PIBF1: variants seen among roughly 807,000 people sequenced by gnomAD.
PIBF1 encodes progesterone immunomodulatory binding factor 1, also known as progesterone-induced-blocking factor 1.
A neutral mutation model predicts 112.5 loss-of-function variants in PIBF1; 90 were observed. That is an observed-to-expected ratio of 0.80 (90% CI 0.67 to 0.95). The LOEUF (loss-of-function observed/expected upper bound fraction) is 0.95, where lower values mean the gene tolerates loss of function less well. PIBF1 is among the 40% of genes least tolerant of loss of function. The pLI, the probability that PIBF1 is intolerant of heterozygous loss-of-function variation, is 0.00. For synonymous variants in PIBF1, 301 were observed against 288.6 expected, an observed-to-expected ratio of 1.04 and a Z score of -0.44; for missense variants, 915 against 852.3, an observed-to-expected ratio of 1.07 and a Z score of -0.92.
At chr13:72,800,475 C>T (rs61966349) in intron 5 of PIBF1, among the ~76,000 whole-genome samples, 1 of 152,188 alleles carries the variant, frequency 6.6e-6, no homozygotes, top group South Asian at 2.1e-4. Flanking sequence ...AGTTTCTCAT[C>T]TCTGCGACTT....
At chr13:72,951,297 G>A (rs2042289723) in intron 14 of PIBF1, among the ~76,000 whole-genome samples, 1 of 152,150 alleles carries the variant, frequency 6.6e-6, no homozygotes, top group Non-Finnish European at 1.5e-5. Flanking sequence ...AGTATTGCCT[G>A]AACATGATTC....
chr13:72,837,591 G>A (rs1445578782), intron 9 of PIBF1, among the ~76,000 whole-genome samples: 1 of 152,094 alleles, frequency 6.6e-6, no homozygotes, highest in Non-Finnish European at 1.5e-5. Flanking sequence ...GAATAATGCA[G>A]CACTACAGAA....
chr13:72,871,903 G>C lies in PIBF1; in HGVS notation c.1322+17748G>C, dbSNP rs972437859. Among the ~76,000 whole-genome samples the C allele has an allele frequency of 4.6e-5, 7 of 152,218 alleles. No individual in the cohort carries two copies. In the East Asian group the frequency reaches 9.7e-4, roughly 21 times the overall value. On this transcript the variant is annotated intron_variant, in intron 10 of 17. Coordinates refer to ENST00000326291, the MANE Select transcript of PIBF1 (RefSeq NM_006346.4). ...AATGCTTATTTTAATAAAGCATTTA[G>C]ACATTTTTTGAATTCACCCTAATAT...
At chr13:72,935,352 CTG>C (rs1411364913) in intron 14 of PIBF1, among the ~76,000 whole-genome samples, 1 of 152,088 alleles carries the variant, frequency 6.6e-6, no homozygotes, top group African/African-American at 2.4e-5. Flanking sequence ...TCCTTTCACT[CTG>C]CATAATTATT....
In PIBF1 at chr13:72,922,122, G is replaced by A. The variant is rs543297897; in HGVS notation, c.1730+4956G>A. Among the ~76,000 whole-genome samples, 32 of 152,034 alleles carry A rather than the reference G, an allele frequency of 2.1e-4. No homozygotes were observed. In the East Asian group the frequency reaches 5.6e-3, roughly 27 times the overall value. On this transcript the variant is annotated intron_variant, in intron 13 of 17. Transcript: ENST00000326291. ...TCTTCCTGAGTAGCTAGGCATGCAC[G>A]CTGTACCTGGCTAATTTTTTTATTT...
intron 14 of PIBF1, 50 bp from the exon 15 acceptor site, chr13:72,965,224 T>C (rs1002644417): frequency 1.3e-6 from 2 of 1,533,410 alleles, no homozygotes; most frequent in African/African-American, 1.4e-5. Context: ...TGAATGATTT[T>C]ATTTTGTTGT....
chr13:73,010,229 G>GTT (rs35486011), intron 17 of PIBF1, among the ~76,000 whole-genome samples: 6,020 of 123,462 alleles, frequency 0.049, 215 homozygotes, highest in East Asian at 0.063. Context: ...TTCTATGCTA[G>GTT]TTTTTTTTTT....
Position 72,908,599 on chromosome 13 carries a change from G to A in PIBF1, c.1557G>A (p.Gln519=), listed in dbSNP as rs752986418. The part of the protein sequence containing the change: ...SEKRITELQA[Q]NSEHQARLDI... ...AACGCATTACTGAACTTCAAGCACA[G>A]AACTCAGAGCATCAAGCAAGGCTAG... The change falls in exon 12 of 18, where the codon CAG becomes CAA. Residue 519 remains glutamine (Q), a synonymous_variant. Coordinates refer to ENST00000326291, the MANE Select transcript of PIBF1 (RefSeq NM_006346.4). 3.1e-6 allele frequency: 5 copies of A among 1,612,828 alleles called. No individual in the cohort carries two copies. Among genetic ancestry groups the A allele is most frequent in the Non-Finnish European group, 4.2e-6 (5 of 1,179,122 alleles).
At chr13:72,909,190 A>C (rs575599057) in intron 12 of PIBF1, among the ~76,000 whole-genome samples, 128 of 152,342 alleles carry the variant, frequency 8.4e-4, no homozygotes, top group South Asian at 1.4e-3. Flanking sequence ...AACAGGTTAA[A>C]TATGATAGCT....
intron 6 of PIBF1, among the ~76,000 whole-genome samples, chr13:72,822,859 A>G (rs1247375898): frequency 1.3e-5 from 2 of 152,228 alleles, no homozygotes; most frequent in African/African-American, 2.4e-5. Context: ...CCAAAATATG[A>G]TAATTATTGG....
At position 72,948,237 on chromosome 13, in the gene PIBF1, AAAAG is replaced by A. The variant is rs145609956; in HGVS notation, c.1833+16974_1833+16977del. 7.3e-3 allele frequency among the ~76,000 whole-genome samples: 1,107 copies of A among 152,220 alleles called. 8 individuals are homozygous for A. The highest frequency in any genetic ancestry group is 0.024 in the African/African-American group (1,016 of 41,520). ...CTGAAAGTATAATTTAAAAAAAAGA[AAAAG>A]AAATTTCTTCCCCCAGATACCCTAA... On this transcript the variant is annotated intron_variant, in intron 14 of 17. Transcript: ENST00000326291.
intron 13 of PIBF1, among the ~76,000 whole-genome samples, chr13:72,923,005 A>G (rs1452109133): frequency 6.6e-6 from 1 of 152,222 alleles, no homozygotes; most frequent in Non-Finnish European, 1.5e-5. Flanking sequence ...CTTCTGGCAC[A>G]TGTCCCCTTC....
intron 6 of PIBF1, 128 bp downstream of exon 6, chr13:72,822,110 AG>A: frequency 1.4e-6 from 1 of 737,474 alleles, no homozygotes; most frequent in Non-Finnish European, 2.1e-6. Flanking sequence ...AAATGCATGC[AG>A]TTTTGGCAGT....
chr13:72,980,802 T>A lies in PIBF1; in HGVS notation c.2049+7127T>A, dbSNP rs1160074119. ...CCTGGGTGACAGAGTCAGAGCCCTA[T>A]CTCCAAAAAAAAAAAAGAAAAAGAA... is the stretch of plus-strand genomic sequence containing the variant. On this transcript the variant is annotated intron_variant, in intron 16 of 17. Transcript: ENST00000326291. Among the ~76,000 whole-genome samples the A allele has an allele frequency of 3.5e-4, 50 of 143,616 alleles. 1 individual carries two copies. The highest frequency in any genetic ancestry group is 2.7e-3 in the East Asian group (13 of 4,772). 94.2% of individuals were successfully genotyped at this position (143,616 alleles called of 152,430 possible). A position where few individuals can be genotyped will look rare whatever the true frequency, so the allele number is the denominator to read the frequency against.
intron 5 of PIBF1, among the ~76,000 whole-genome samples, chr13:72,802,455 C>T (rs750030681): frequency 6.6e-6 from 1 of 151,802 alleles, no homozygotes; most frequent in Non-Finnish European, 1.5e-5. Flanking sequence ...TAGATGGTAG[C>T]AGGGGAAGTG....
rs557527888 is a variant in PIBF1, at chr13:72,943,351, T to A, written c.1833+12084T>A. On this transcript the variant is annotated intron_variant, in intron 14 of 17. Transcript: ENST00000326291. Reference sequence around the variant, plus strand: ...TATATTTCAAAATAGCTAGAAGATTTGAAATGTTCCTAATACAAAGAAATG... The same window carrying A: ...TATATTTCAAAATAGCTAGAAGATTAGAAATGTTCCTAATACAAAGAAATG... 5.3e-4 allele frequency among the ~76,000 whole-genome samples: 80 copies of A among 152,354 alleles called. No homozygotes were observed. In the South Asian group the frequency reaches 5.6e-3, roughly 11 times the overall value.
intron 17 of PIBF1, among the ~76,000 whole-genome samples, chr13:73,001,493 A>G (rs1327981586): frequency 1.3e-5 from 2 of 150,844 alleles, no homozygotes; most frequent in East Asian, 3.9e-4. Flanking sequence ...TGCATTGACA[A>G]TATGAGGCGA....
At chr13:72,879,234 A>G (rs1386761442) in intron 10 of PIBF1, among the ~76,000 whole-genome samples, 2 of 151,826 alleles carry the variant, frequency 1.3e-5, no homozygotes, top group Admixed American at 6.6e-5. Context: ...AAATGTTAGG[A>G]ATTATATATT....
At chr13:72,805,164 A>G (rs1210251942) in intron 5 of PIBF1, among the ~76,000 whole-genome samples, 1 of 151,934 alleles carries the variant, frequency 6.6e-6, no homozygotes, top group Admixed American at 6.5e-5. Context: ...GTTTTTTGAG[A>G]TGGAGTCTCG....
Sources: gnomAD v4.1 joint callset for allele counts (sites outside exome capture counted in the v4.1 genomes callset) on GRCh38, gnomAD v4.1.1 for gene constraint, MANE v1.5 for transcripts, NCBI Gene and HGNC (gene_info 2026-07-23, HGNC 2026-07-21) for gene names.